AGBL4: variants seen among roughly 807,000 people sequenced by gnomAD.
AGBL4 encodes cytosolic carboxypeptidase 6.
AGBL4 carries 58 observed loss-of-function variants against 66.4 expected under a neutral mutation model. The observed-to-expected ratio is 0.87, with a 90% CI of 0.71 to 1.09. AGBL4 has a LOEUF of 1.09. Ranked by LOEUF, AGBL4 falls within the 50% of genes least tolerant of loss-of-function variation. The probability of loss-of-function intolerance (pLI) is 0.00; values close to 1 mark genes in which losing one functional copy is unlikely to be tolerated. For synonymous variants in AGBL4, 234 were observed against 222.9 expected, an observed-to-expected ratio of 1.05 and a Z score of -0.44; for missense variants, 579 against 631.0, an observed-to-expected ratio of 0.92 and a Z score of 0.88.
intron 6 of AGBL4, among the ~76,000 whole-genome samples, chr1:48,665,445 T>C (rs567835162): frequency 6.6e-6 from 1 of 152,222 alleles, no homozygotes; most frequent in Non-Finnish European, 1.5e-5. Context: ...AGATGGTTTA[T>C]AAAGAAATAT....
intron 3 of AGBL4, among the ~76,000 whole-genome samples, chr1:49,481,992 A>C (rs953492590): frequency 6.7e-6 from 1 of 149,498 alleles, no homozygotes; most frequent in Admixed American, 6.7e-5. Flanking sequence ...ATCGTGATGG[A>C]TAAGCTTTTT....
At chr1:48,774,846 A>G (rs1425641675) in intron 6 of AGBL4, among the ~76,000 whole-genome samples, 1 of 152,220 alleles carries the variant, frequency 6.6e-6, no homozygotes, top group Non-Finnish European at 1.5e-5. Context: ...AACAATCTCC[A>G]AGAGAGGAAA....
intron 3 of AGBL4, among the ~76,000 whole-genome samples, chr1:49,586,475 A>G (rs1644648775): frequency 6.6e-6 from 1 of 152,210 alleles, no homozygotes; most frequent in East Asian, 1.9e-4. Context: ...ATCTAACTTG[A>G]TCCTCAAAAA....
At chr1:49,067,834 G>C (rs191703728) in intron 4 of AGBL4, among the ~76,000 whole-genome samples, 77 of 152,152 alleles carry the variant, frequency 5.1e-4, no homozygotes, top group Non-Finnish European at 9.4e-4. Context: ...GTATACATGT[G>C]CCATGTTCGT....
chr1:49,892,590 C>T (rs1019320729), intron 1 of AGBL4, among the ~76,000 whole-genome samples: 7 of 152,118 alleles, frequency 4.6e-5, no homozygotes, highest in African/African-American at 1.7e-4. Flanking sequence ...GCTCTATCTC[C>T]CTACCATTTC....
chr1:48,725,061 G>A (rs997395029), intron 6 of AGBL4, among the ~76,000 whole-genome samples: 6 of 152,194 alleles, frequency 3.9e-5, no homozygotes, highest in African/African-American at 1.4e-4. Context: ...TGGTGGCCAT[G>A]AAGAGGAATT....
chr1:49,560,090 A>G (rs1643999049), intron 3 of AGBL4, among the ~76,000 whole-genome samples: 1 of 152,172 alleles, frequency 6.6e-6, no homozygotes, highest in Non-Finnish European at 1.5e-5. Flanking sequence ...ATCTACCAGC[A>G]TCAGCACCAT....
chr1:48,530,361 T>C (rs1448284470), downstream of AGBL4, among the ~76,000 whole-genome samples: 1 of 152,198 alleles, frequency 6.6e-6, no homozygotes, highest in East Asian at 1.9e-4. Context: ...CATCTGGATG[T>C]ATGAATCGAT....
chr1:49,977,606 T>C (rs1472746133), intron 1 of AGBL4, among the ~76,000 whole-genome samples: 1 of 152,248 alleles, frequency 6.6e-6, no homozygotes, highest in African/African-American at 2.4e-5. Context: ...AATAGTAAAA[T>C]GTGTTCTCTT....
At chr1:49,631,943 G>A (rs1645577940) in intron 3 of AGBL4, among the ~76,000 whole-genome samples, 1 of 152,180 alleles carries the variant, frequency 6.6e-6, no homozygotes, top group African/African-American at 2.4e-5. Flanking sequence ...ATGGCCTCAG[G>A]ACGAATGTGG....
chr1:48,593,757 A>C (rs1323948586), intron 9 of AGBL4, among the ~76,000 whole-genome samples: 1 of 152,186 alleles, frequency 6.6e-6, no homozygotes, highest in Non-Finnish European at 1.5e-5. Flanking sequence ...TCTCAAAAAA[A>C]TAAATAAATA....
chr1:48,985,722 C>G (rs977255920), intron 5 of AGBL4, among the ~76,000 whole-genome samples: 2 of 151,906 alleles, frequency 1.3e-5, no homozygotes, highest in Non-Finnish European at 2.9e-5. Context: ...ATGTCTACCA[C>G]TGAACAGGGT....
At chr1:49,267,934 C>T (rs1291287662) in intron 3 of AGBL4, 1 of 152,024 alleles carries the variant, frequency 6.6e-6, no homozygotes, top group Non-Finnish European at 1.5e-5. Context: ...CAATTATTTC[C>T]CACTGGGTCC....
At chr1:49,326,551 T>C (rs1405629595) in intron 3 of AGBL4, among the ~76,000 whole-genome samples, 2 of 151,888 alleles carry the variant, frequency 1.3e-5, no homozygotes, top group Non-Finnish European at 2.9e-5. Flanking sequence ...AAGGAGAAGA[T>C]AGGGAAATAT....
chr1:49,746,275 C>A (rs1327786758), intron 2 of AGBL4, among the ~76,000 whole-genome samples: 1 of 151,976 alleles, frequency 6.6e-6, no homozygotes, highest in Non-Finnish European at 1.5e-5. Flanking sequence ...TTTCTGAATT[C>A]ATTACAGATA....
Position 49,062,247 on chromosome 1 carries a change from C to T in AGBL4, c.378-16447G>A, listed in dbSNP as rs114168517. Among the ~76,000 whole-genome samples the T allele has an allele frequency of 3.6e-4, 55 of 152,276 alleles. No individual in the cohort carries two copies. In the East Asian group the frequency reaches 6.2e-3, roughly 17 times the overall value. ...GGGGACCACTGCTCTAGAGATTCTT[C>T]GTAGGTCAAGAGTTACTTATCTTTG... On this transcript the variant is annotated intron_variant, in intron 4 of 13. Coordinates refer to ENST00000371839, the MANE Select transcript of AGBL4 (RefSeq NM_032785.4).
intron 1 of AGBL4, among the ~76,000 whole-genome samples, chr1:50,011,930 C>T (rs951610500): frequency 3.3e-5 from 5 of 151,950 alleles, no homozygotes; most frequent in East Asian, 1.9e-4. Context: ...GAGGCCGAGG[C>T]GGGTGGATCA....
intron 3 of AGBL4, among the ~76,000 whole-genome samples, chr1:49,669,443 G>A (rs912381761): frequency 3.3e-5 from 5 of 152,126 alleles, no homozygotes; most frequent in African/African-American, 1.2e-4. Flanking sequence ...AAGTTCAAAT[G>A]CCAGTGTGTG....
At chr1:49,537,963 T>C (rs1651734819) in intron 3 of AGBL4, among the ~76,000 whole-genome samples, 1 of 150,038 alleles carries the variant, frequency 6.7e-6, no homozygotes, top group Admixed American at 6.6e-5. Flanking sequence ...TTGGTGAAGA[T>C]GTGGAGAAAA....
Sources: allele counts gnomAD v4.1 joint callset (sites outside exome capture counted in the v4.1 genomes callset), GRCh38; gene constraint gnomAD v4.1.1; transcripts MANE v1.5; gene names NCBI Gene and HGNC (gene_info 2026-07-23, HGNC 2026-07-21).